FILIP1L: variants seen among roughly 807,000 people sequenced by gnomAD.
FILIP1L encodes filamin A interacting protein 1 like.
In FILIP1L, 55 loss-of-function variants were observed where a neutral mutation model predicts 96.6. The ratio of observed to expected loss-of-function variants is 0.57; its 90% confidence interval spans 0.46 to 0.71. The LOEUF (loss-of-function observed/expected upper bound fraction) is 0.71, where lower values mean the gene tolerates loss of function less well. FILIP1L is among the 30% of genes least tolerant of loss of function. The pLI is 0.00. For synonymous variants in FILIP1L, 467 were observed against 473.9 expected (o/e 0.99, Z 0.19); for missense variants, 1,304 against 1,321.2 (o/e 0.99, Z 0.20).
chr3:99,848,748 A>C lies in FILIP1L; in HGVS notation c.2928T>G (p.Ile976Met), dbSNP rs756219024. 1.9e-5 allele frequency: 30 copies of C among 1,614,002 alleles called. No individual in the cohort carries two copies. In the Middle Eastern group the frequency reaches 4.9e-4, roughly 27 times the overall value. ...GTGCTCTGGCAAAGGTTGCCATGGT[A>C]ATTGGGGACATGCCTTGTTCTAAAT... ...LMNLEQGMSP[I>M]TMATFARAQT... The change falls in exon 5 of 6, where the codon ATT (isoleucine) becomes ATG (methionine). Residue 976 changes from isoleucine to methionine, a missense_variant. Ile to Met is a conservative substitution (Grantham distance 10). Coordinates refer to ENST00000477258, the MANE Select transcript of FILIP1L (RefSeq NM_001387850.1).
intron 1 of FILIP1L, among the ~76,000 whole-genome samples, chr3:100,062,340 T>C (rs970960721): frequency 3.3e-5 from 5 of 152,038 alleles, no homozygotes; most frequent in African/African-American, 7.2e-5. Flanking sequence ...CTCGATCTCC[T>C]GACCTCGCGA....
chr3:100,061,958 T>C (rs567903701), intron 1 of FILIP1L, among the ~76,000 whole-genome samples: 1 of 152,196 alleles, frequency 6.6e-6, no homozygotes, highest in Admixed American at 6.5e-5. Context: ...TTCACATTGT[T>C]ATGCAACCAA....
At chr3:99,940,144 A>T (rs1228150598) in intron 1 of FILIP1L, among the ~76,000 whole-genome samples, 1 of 152,232 alleles carries the variant, frequency 6.6e-6, no homozygotes, top group Non-Finnish European at 1.5e-5. Flanking sequence ...TTCCATTACA[A>T]ATCAGTGACT....
At chr3:99,910,729 G>A (rs1246246361) in intron 4 of FILIP1L, among the ~76,000 whole-genome samples, 1 of 84,028 alleles carries the variant, frequency 1.2e-5, no homozygotes, top group Non-Finnish European at 3.2e-5. Flanking sequence ...TGCCCAAATA[G>A]TTACCCATAC....
chr3:99,998,472 AC>A (rs752066232), intron 1 of FILIP1L, among the ~76,000 whole-genome samples: 24 of 152,314 alleles, frequency 1.6e-4, no homozygotes, highest in East Asian at 1.5e-3. Flanking sequence ...TTAGATTTTT[AC>A]CAAGCACAAT....
Position 99,929,875 on chromosome 3 carries a change from T to C in FILIP1L, c.407A>G (p.Tyr136Cys), listed in dbSNP as rs1420180668. 6.2e-7 allele frequency: 1 copy of C among 1,613,114 alleles called. No individual in the cohort carries two copies. Among genetic ancestry groups the C allele is most frequent in the Admixed American group, 1.7e-5 (1 of 59,784 alleles). ...AKSTPWQEDI[Y>C]EKPMNELDKV... ...ACATACCTCATTCATTGGTTTCTCATAGATGTCCTCCTGCCAAGGGGTAGA... is the reference window on the plus strand; with the variant it reads ...ACATACCTCATTCATTGGTTTCTCACAGATGTCCTCCTGCCAAGGGGTAGA... Residue 136 changes from tyrosine to cysteine, a missense_variant, in exon 3 of 6, where the codon TAT (tyrosine) becomes TGT (cysteine). Physicochemically the swap from Tyr to Cys is radical, Grantham distance 194 (BLOSUM62 -2). Transcript: ENST00000477258.
intron 4 of FILIP1L, 143 bp downstream of exon 4, chr3:99,924,087 A>G: frequency 2.7e-6 from 2 of 738,778 alleles, no homozygotes; most frequent in Non-Finnish European, 2.3e-6. Flanking sequence ...AATGTCTTCA[A>G]ACATATCCTT....
chr3:100,020,707 A>T (rs1188560566), intron 1 of FILIP1L, among the ~76,000 whole-genome samples: 1 of 150,322 alleles, frequency 6.7e-6, no homozygotes, highest in Non-Finnish European at 1.5e-5. Context: ...GCGAGTATAC[A>T]TGTTACTATT....
chr3:99,914,271 A>C (rs1168769520), intron 4 of FILIP1L, among the ~76,000 whole-genome samples: 1 of 152,204 alleles, frequency 6.6e-6, no homozygotes, highest in Non-Finnish European at 1.5e-5. Context: ...CATTTCAGAG[A>C]ATGAGCAATG....
chr3:99,929,562 A>T (rs1349638544), intron 3 of FILIP1L, among the ~76,000 whole-genome samples: 1 of 150,200 alleles, frequency 6.7e-6, no homozygotes, highest in East Asian at 2.0e-4. Flanking sequence ...ATGTGTGTGC[A>T]TGTGTGTGTT....
At chr3:99,990,672 C>A (rs1709485260) in intron 1 of FILIP1L, among the ~76,000 whole-genome samples, 1 of 140,546 alleles carries the variant, frequency 7.1e-6, no homozygotes, top group African/African-American at 2.5e-5. Context: ...CATTCCAAAG[C>A]CTCCTGGTAT....
intron 4 of FILIP1L, chr3:99,875,946 G>T: frequency 1.8e-6 from 1 of 571,046 alleles, no homozygotes; most frequent in Non-Finnish European, 2.2e-6. Flanking sequence ...TTCATTGGAT[G>T]CGCTTTGCGA....
rs148046915 is a variant in FILIP1L, at chr3:99,972,070, C to T, written c.-10-41040G>A. 2.0e-4 allele frequency among the ~76,000 whole-genome samples: 30 copies of T among 152,142 alleles called. 1 individual carries two copies. The East Asian group carries it at 5.0e-3, about 26-fold the overall frequency. On this transcript the variant is annotated intron_variant, in intron 1 of 5. Transcript: ENST00000477258. ...GACTAAGCAGTTAAGTGAATCAGTA[C>T]GAATATTATTGAGAGGAACCTGGTT...
intron 1 of FILIP1L, among the ~76,000 whole-genome samples, chr3:99,942,603 G>A (rs886270965): frequency 2.0e-5 from 3 of 152,132 alleles, no homozygotes; most frequent in South Asian, 2.1e-4. Context: ...AGACCGAGGC[G>A]GGCGGATCAC....
chr3:100,001,190 T>A (rs1432661126), intron 1 of FILIP1L, among the ~76,000 whole-genome samples: 1 of 152,228 alleles, frequency 6.6e-6, no homozygotes, highest in Non-Finnish European at 1.5e-5. Flanking sequence ...ACCCTCTCAC[T>A]TTGTCTCAGT....
chr3:100,067,050 G>A (rs17314998), intron 1 of FILIP1L, among the ~76,000 whole-genome samples: 3,647 of 152,224 alleles, frequency 0.024, 119 homozygotes, highest in Admixed American at 0.083. Flanking sequence ...AAGGGCAAGC[G>A]TGGACTGTGA....
intron 1 of FILIP1L, among the ~76,000 whole-genome samples, chr3:100,091,264 G>A (rs992063975): frequency 9.2e-5 from 13 of 141,298 alleles, no homozygotes; most frequent in African/African-American, 3.2e-4. Context: ...CAGACTAGGC[G>A]ACAGAGCGAG....
At chr3:100,080,786 C>T (rs1159121756) in intron 1 of FILIP1L, among the ~76,000 whole-genome samples, 1 of 152,176 alleles carries the variant, frequency 6.6e-6, no homozygotes, top group Non-Finnish European at 1.5e-5. Context: ...TGGAATGTTT[C>T]ACCAGTCAGT....
intron 1 of FILIP1L, among the ~76,000 whole-genome samples, chr3:100,019,022 G>A (rs1407725784): frequency 6.6e-6 from 1 of 152,150 alleles, no homozygotes; most frequent in Non-Finnish European, 1.5e-5. Context: ...TAGAATGACT[G>A]TTATCAAAAA....
Sources: allele counts gnomAD v4.1 joint callset (sites outside exome capture counted in the v4.1 genomes callset), GRCh38; gene constraint gnomAD v4.1.1; transcripts MANE v1.5; gene names NCBI Gene and HGNC (gene_info 2026-07-23, HGNC 2026-07-21).